Variants in AKAP19 observed in about 807,000 individuals in gnomAD.
The protein encoded by AKAP19 is small A-kinase anchoring protein.
At chr2:190,110,887 C>G in the AKAP19 span, among the ~76,000 whole-genome samples, 2 of 152,160 alleles carry the variant, frequency 1.3e-5, no homozygotes, top group Admixed American at 6.5e-5. Flanking sequence ...AAGGAGGAGA[C>G]GAATAATGTA....
At chr2:189,985,343 T>A in the AKAP19 span, among the ~76,000 whole-genome samples, 41 of 152,334 alleles carry the variant, frequency 2.7e-4, no homozygotes, top group Non-Finnish European at 4.3e-4. Flanking sequence ...TTCCATCTTC[T>A]TGCATTTTCA....
the AKAP19 span, among the ~76,000 whole-genome samples, chr2:189,988,950 T>G: frequency 6.6e-6 from 1 of 152,238 alleles, no homozygotes; most frequent in African/African-American, 2.4e-5. Flanking sequence ...AGCAGTCTAG[T>G]TTTGACCATG....
chr2:190,180,392 C>T, the AKAP19 span: 2 of 865,778 alleles, frequency 2.3e-6, no homozygotes, highest in Non-Finnish European at 2.8e-6. This position sits in a 1 kb window ranked among gnomAD's most constrained non-coding sequence, Gnocchi z 6.8. Flanking sequence ...GGGCAGCGCC[C>T]CCTCTCACCA....
chr2:190,095,201 G>A, the AKAP19 span, among the ~76,000 whole-genome samples: 9 of 152,230 alleles, frequency 5.9e-5, no homozygotes, highest in Middle Eastern at 3.4e-3. Context: ...TAGTCTGGGC[G>A]ACAGAGCAAG....
chr2:190,184,489 A>G, the AKAP19 span, among the ~76,000 whole-genome samples: 3 of 152,210 alleles, frequency 2.0e-5, no homozygotes, highest in Non-Finnish European at 4.4e-5. Flanking sequence ...GCCTTGATGT[A>G]GAGAACTGTT....
At chr2:190,079,267 T>A in the AKAP19 span, 6 of 152,162 alleles carry the variant, frequency 3.9e-5, no homozygotes, top group Non-Finnish European at 7.3e-5. Flanking sequence ...ATGTCAGACA[T>A]CTGAGAGTCA....
the AKAP19 span, among the ~76,000 whole-genome samples, chr2:189,991,280 T>A: frequency 6.6e-6 from 1 of 152,204 alleles, no homozygotes; most frequent in African/African-American, 2.4e-5. Flanking sequence ...ATACTGTTTT[T>A]GATAGTAGTT....
At chr2:189,988,588 A>G in the AKAP19 span, among the ~76,000 whole-genome samples, 2 of 152,220 alleles carry the variant, frequency 1.3e-5, no homozygotes, top group Non-Finnish European at 2.9e-5. Flanking sequence ...CATCTTCTAG[A>G]TATCTTGGAC....
chr2:189,913,286 C>T, the AKAP19 span, among the ~76,000 whole-genome samples: 2 of 151,938 alleles, frequency 1.3e-5, no homozygotes, highest in African/African-American at 2.4e-5. Context: ...ATATAATGGC[C>T]AAATTAAAAT....
chr2:190,077,593 G>A, the AKAP19 span, among the ~76,000 whole-genome samples: 23 of 152,256 alleles, frequency 1.5e-4, no homozygotes, highest in South Asian at 1.4e-3. Flanking sequence ...ATGAGCCACC[G>A]TGCACAGTCA....
chr2:190,071,316 T>C, the AKAP19 span, among the ~76,000 whole-genome samples: 3 of 152,178 alleles, frequency 2.0e-5, no homozygotes, highest in Non-Finnish European at 4.4e-5. Flanking sequence ...TAGCTTGTTG[T>C]AGTGCCACAC....
chr2:189,933,039 C>T, the AKAP19 span, among the ~76,000 whole-genome samples: 1 of 152,130 alleles, frequency 6.6e-6, no homozygotes, highest in Non-Finnish European at 1.5e-5. Context: ...TATGTCATCA[C>T]CAGCATCACT....
chr2:189,969,869 CTTTTT>C, the AKAP19 span, among the ~76,000 whole-genome samples: 2 of 109,928 alleles, frequency 1.8e-5, no homozygotes, highest in African/African-American at 3.6e-5. Context: ...TCTTCTTCTT[CTTTTT>C]TTTTTTTTTT....
chr2:190,006,799 A>G, the AKAP19 span, among the ~76,000 whole-genome samples: 1 of 152,058 alleles, frequency 6.6e-6, no homozygotes, highest in Admixed American at 6.5e-5. Flanking sequence ...TAGGCAGATC[A>G]CGAGGTCAGG....
the AKAP19 span, among the ~76,000 whole-genome samples, chr2:190,149,969 C>T: frequency 2.0e-5 from 3 of 152,120 alleles, no homozygotes; most frequent in Non-Finnish European, 4.4e-5. Flanking sequence ...AGGATTATGG[C>T]TGTCTCTGCA....
chr2:189,901,655 T>G, the AKAP19 span, among the ~76,000 whole-genome samples: 45 of 152,294 alleles, frequency 3.0e-4, no homozygotes, highest in African/African-American at 1.0e-3. Flanking sequence ...GATAAAAATC[T>G]TTAAAATTCA....
the AKAP19 span, among the ~76,000 whole-genome samples, chr2:189,926,030 AAG>A: frequency 6.6e-6 from 1 of 152,264 alleles, no homozygotes; most frequent in Admixed American, 6.5e-5. Context: ...GACTGTGAAA[AAG>A]AAATCTGATT....
chr2:190,148,075 G>C, the AKAP19 span, among the ~76,000 whole-genome samples: 1 of 152,134 alleles, frequency 6.6e-6, no homozygotes, highest in Admixed American at 6.5e-5. Flanking sequence ...GGGCATCCTT[G>C]TCTTCTTCCA....
the AKAP19 span, among the ~76,000 whole-genome samples, chr2:190,015,141 G>A: frequency 6.6e-6 from 1 of 152,202 alleles, no homozygotes; most frequent in Middle Eastern, 3.2e-3. Context: ...CAGGGCCCCA[G>A]TGAGGACTCT....
Sources: gnomAD v4.1 joint callset for allele counts (sites outside exome capture counted in the v4.1 genomes callset) on GRCh38, gnomAD v4.1.1 for gene constraint, Gnocchi (gnomAD v3.1) non-coding constraint, MANE v1.5 for transcripts, NCBI Gene and HGNC (gene_info 2026-07-23, HGNC 2026-07-21) for gene names.